PAN3: variants seen among roughly 807,000 people sequenced by gnomAD.
The protein encoded by PAN3 is poly(A) specific ribonuclease subunit PAN3, also known as PAN2-PAN3 deadenylation complex subunit PAN3.
A neutral mutation model predicts 96.2 loss-of-function variants in PAN3; 19 were observed. The observed-to-expected ratio is 0.20, with a 90% CI of 0.14 to 0.29. The LOEUF (loss-of-function observed/expected upper bound fraction) is 0.29. Among genes scored for constraint, PAN3 ranks in the 10% least tolerant of loss-of-function variants. The probability of loss-of-function intolerance (pLI) is 1.00; values close to 1 mark genes in which losing one functional copy is unlikely to be tolerated. For synonymous variants in PAN3, 433 were observed against 406.6 expected, an observed-to-expected ratio of 1.06 and a Z score of -0.78; for missense variants, 882 against 1,108.1, an observed-to-expected ratio of 0.80 and a Z score of 2.90.
intron 1 of PAN3, among the ~76,000 whole-genome samples, chr13:28,145,010 G>A (rs1224618210): frequency 6.6e-6 from 1 of 152,048 alleles, no homozygotes; most frequent in Non-Finnish European, 1.5e-5. Flanking sequence ...GAGCCACCGC[G>A]CCTGGCCCAA....
chr13:28,174,058 TTATTTC>T (rs1874640016), intron 1 of PAN3, among the ~76,000 whole-genome samples: 1 of 152,212 alleles, frequency 6.6e-6, no homozygotes, highest in Non-Finnish European at 1.5e-5. Context: ...AGAAAATAAA[TTATTTC>T]TGTGGGAAAT....
intron 7 of PAN3, among the ~76,000 whole-genome samples, chr13:28,257,769 A>ATATATAATTAATTATATATTT (rs1885326077): frequency 7.2e-6 from 1 of 139,108 alleles, no homozygotes; most frequent in African/African-American, 2.7e-5. Context: ...ATTATATATT[A>ATATATAATTAATTATATATTT]TATATAAATT....
chr13:28,261,491 A>C, intron 9 of PAN3, 33 bp downstream of exon 9: 1 of 1,575,274 alleles, frequency 6.3e-7, no homozygotes, highest in Non-Finnish European at 8.7e-7. Flanking sequence ...CTTTCTTTTA[A>C]AGGCTGTTAT....
intron 1 of PAN3, among the ~76,000 whole-genome samples, chr13:28,141,480 T>C (rs1869824708): frequency 1.4e-5 from 2 of 140,292 alleles, no homozygotes; most frequent in South Asian, 2.2e-4. Context: ...TTTTTTTTTT[T>C]TTTTGAGACG....
At chr13:28,287,834 T>C (rs1302619906) in intron 17 of PAN3, 150 bp from the exon 18 acceptor site, 2 of 598,100 alleles carry the variant, frequency 3.3e-6, no homozygotes, top group Non-Finnish European at 5.4e-6. Context: ...CTAGTTCAGT[T>C]AGATTATTTT....
At chr13:28,166,624 G>A (rs1216305491) in intron 1 of PAN3, among the ~76,000 whole-genome samples, 2 of 152,202 alleles carry the variant, frequency 1.3e-5, no homozygotes, top group African/African-American at 4.8e-5. Context: ...CTCTGCTGCA[G>A]CCTGCCCCTT....
rs979248659 is a variant in PAN3, at chr13:28,141,003, C to CTTTTT, written c.430+1931_430+1935dup. 9.1e-3 allele frequency among the ~76,000 whole-genome samples: 1,024 copies of CTTTTT among 112,816 alleles called. 74 individuals carry two copies. The highest frequency in any genetic ancestry group is 0.035 in the African/African-American group (975 of 27,474). 74.0% of individuals were successfully genotyped at this position (112,816 alleles called of 152,430 possible). The stretch of plus-strand genomic sequence containing the variant: ...GTTTTCTTACTGACAGAAAGAGACA[C>CTTTTT]TTTTTTTTTTTTTTTTTTTGAGACG... On this transcript the variant is annotated intron_variant, in intron 1 of 18. Transcript: ENST00000380958.
chr13:28,282,947 G>T (rs981275112), intron 17 of PAN3, among the ~76,000 whole-genome samples: 1 of 151,962 alleles, frequency 6.6e-6, no homozygotes, highest in African/African-American at 2.4e-5. Context: ...CCTGAAAAAG[G>T]TGAGTTTTTT....
intron 2 of PAN3, among the ~76,000 whole-genome samples, chr13:28,174,913 T>C (rs995089473): frequency 7.2e-5 from 11 of 152,190 alleles, no homozygotes; most frequent in African/African-American, 2.4e-4. Context: ...GAATTTAAAG[T>C]CATAGTACTT....
rs946031664 is a variant in PAN3 at position 28,207,368 on chromosome 13, T to C, written c.852+10022T>C. ...TTATATTGTGGTGTCTTAGCTGGTT[T>C]CCTGCTTCTAGTCTTCTTTTTCAAA... On this transcript the variant is annotated intron_variant, in intron 5 of 18. Coordinates refer to ENST00000380958, the MANE Select transcript of PAN3 (RefSeq NM_175854.8). Among the ~76,000 whole-genome samples the C allele has an allele frequency of 2.0e-5, 3 of 152,214 alleles. No individual in the cohort carries two copies. The East Asian group carries it at 5.8e-4, about 29-fold the overall frequency.
intron 6 of PAN3, among the ~76,000 whole-genome samples, chr13:28,224,647 C>CAGAGAGA: frequency 6.6e-6 from 1 of 152,098 alleles, no homozygotes; most frequent in East Asian, 1.9e-4. Flanking sequence ...GAGAGAGTGT[C>CAGAGAGA]TCACTCTGTC....
At chr13:28,138,407 T>G, upstream of PAN3, 4 of 220,768 alleles carry the variant, frequency 1.8e-5, no homozygotes, top group East Asian at 9.2e-5. Flanking sequence ...GCGCGGCCCC[T>G]TTAAGAAAAG....
At chr13:28,163,105 A>G (rs571064276) in intron 1 of PAN3, among the ~76,000 whole-genome samples, 12 of 151,876 alleles carry the variant, frequency 7.9e-5, no homozygotes, top group African/African-American at 1.2e-4. Flanking sequence ...GTGCAGTGGT[A>G]TGATGACAGC....
intron 3 of PAN3, among the ~76,000 whole-genome samples, chr13:28,177,246 G>C (rs1875138748): frequency 6.6e-6 from 1 of 152,158 alleles, no homozygotes; most frequent in African/African-American, 2.4e-5. Flanking sequence ...TCTTTCTACA[G>C]AGTAGTGGAA....
At chr13:28,214,920 C>G (rs1022718917) in intron 5 of PAN3, 4 of 1,238,576 alleles carry the variant, frequency 3.2e-6, no homozygotes, top group East Asian at 2.3e-5. Flanking sequence ...GGCTGGCGAC[C>G]ATGCCCTTCT....
intron 13 of PAN3, among the ~76,000 whole-genome samples, chr13:28,271,584 TTGAGGGATTTGAA>T (rs914935819): frequency 6.6e-6 from 1 of 152,110 alleles, no homozygotes; most frequent in Non-Finnish European, 1.5e-5. Context: ...CATAAAGTTA[TTGAGGGATTTGAA>T]TGAGTCATGT....
intron 4 of PAN3, among the ~76,000 whole-genome samples, chr13:28,184,756 T>G (rs539833726): frequency 4.1e-4 from 62 of 152,274 alleles, no homozygotes; most frequent in African/African-American, 1.5e-3. Flanking sequence ...TTTGATGGTG[T>G]TGTAGACTTC....
chr13:28,194,822 T>C (rs959681039), intron 4 of PAN3, among the ~76,000 whole-genome samples: 3 of 152,152 alleles, frequency 2.0e-5, no homozygotes, highest in Non-Finnish European at 4.4e-5. Flanking sequence ...TTACTGTATG[T>C]CAGAGCCTTG....
intron 3 of PAN3, among the ~76,000 whole-genome samples, chr13:28,177,323 TCTTAA>T (rs1469180358): frequency 9.9e-5 from 15 of 152,202 alleles, no homozygotes; most frequent in South Asian, 2.1e-4. Flanking sequence ...ATTATTTCTG[TCTTAA>T]CTTAATATTT....
Sources: gnomAD v4.1 joint callset for allele counts (sites outside exome capture counted in the v4.1 genomes callset) on GRCh38, gnomAD v4.1.1 for gene constraint, MANE v1.5 for transcripts, NCBI Gene and HGNC (gene_info 2026-07-23, HGNC 2026-07-21) for gene names.